TPRX1: variants seen among roughly 807,000 people sequenced by gnomAD.
TPRX1 encodes the protein tetrapeptide repeat homeobox 1.
Under a neutral mutation model 8.1 loss-of-function variants are expected in TPRX1, and 2 were observed. The ratio of observed to expected loss-of-function variants is 0.25; its 90% CI spans 0.10 to 0.78. The LOEUF (loss-of-function observed/expected upper bound fraction) is 0.78. Among genes scored for constraint, TPRX1 ranks in the 30% least tolerant of loss-of-function variants. The probability of loss-of-function intolerance (pLI) is 0.70; values close to 1 mark genes in which losing one functional copy is unlikely to be tolerated. For missense variants in TPRX1, 517 were observed against 586.9 expected, an observed-to-expected ratio of 0.88 and a Z score of 1.23; for synonymous variants, 257 against 254.1, an observed-to-expected ratio of 1.01 and a Z score of -0.11.
chr19:47,808,571 C>G (rs964695572), intron 2 of TPRX1, among the ~76,000 whole-genome samples: 1 of 148,848 alleles, frequency 6.7e-6, no homozygotes, highest in African/African-American at 2.4e-5. Context: ...GTAGCTGGGA[C>G]TACAGGCGCC....
intron 2 of TPRX1, among the ~76,000 whole-genome samples, chr19:47,806,960 A>C (rs918862306): frequency 6.6e-6 from 1 of 151,804 alleles, no homozygotes; most frequent in African/African-American, 2.4e-5. Flanking sequence ...GGAGTGCAGT[A>C]GTGGTGTGAT....
intron 3 of TPRX1, 75 bp from the exon 3 acceptor site, chr19:47,803,055 GC>G: frequency 2.1e-6 from 3 of 1,458,592 alleles, no homozygotes; most frequent in Non-Finnish European, 2.7e-6. Context: ...TGGGGTCGGG[GC>G]CAGCCTGAAG....
At chr19:47,810,870 G>T (rs944807621) in intron 2 of TPRX1, among the ~76,000 whole-genome samples, 2 of 151,756 alleles carry the variant, frequency 1.3e-5, no homozygotes, top group Non-Finnish European at 2.9e-5. Context: ...AGATCAGAGT[G>T]GGGGTGACAA....
intron 2 of TPRX1, among the ~76,000 whole-genome samples, chr19:47,804,124 C>T (rs1967711792): frequency 6.6e-6 from 1 of 150,742 alleles, no homozygotes. Context: ...GATGTGATCA[C>T]GGCTCAAGTC....
At chr19:47,809,262 A>G (rs1967761400) in intron 2 of TPRX1, among the ~76,000 whole-genome samples, 1 of 152,064 alleles carries the variant, frequency 6.6e-6, no homozygotes, top group Non-Finnish European at 1.5e-5. Flanking sequence ...ACATATACAT[A>G]TTCTTTTTTC....
chr19:47,811,732 C>T (rs1317938542), intron 2 of TPRX1, among the ~76,000 whole-genome samples: 2 of 151,240 alleles, frequency 1.3e-5, no homozygotes, highest in Non-Finnish European at 1.5e-5. Context: ...CTTCTGACCT[C>T]GTGATCCGCC....
chr19:47,810,950 C>T (rs1357324152), intron 2 of TPRX1, among the ~76,000 whole-genome samples: 2 of 148,732 alleles, frequency 1.3e-5, no homozygotes, highest in South Asian at 2.2e-4. Context: ...GGGTTCCTCT[C>T]GGTGTCTGGA....
chr19:47,809,662 A>C (rs1029107128), intron 2 of TPRX1, among the ~76,000 whole-genome samples: 2 of 152,148 alleles, frequency 1.3e-5, no homozygotes, highest in African/African-American at 4.8e-5. Context: ...TATTTTCTCT[A>C]TTTCCTGCTG....
intron 2 of TPRX1, among the ~76,000 whole-genome samples, chr19:47,808,216 G>A (rs1967751885): frequency 6.6e-6 from 1 of 152,114 alleles, no homozygotes; most frequent in Admixed American, 6.6e-5. Flanking sequence ...CCAGGTTCAA[G>A]CAATTCTCCT....
chr19:47,802,345 C>CGGGCCTGGGTTT, exon 4 of TPRX1: 2 of 1,114,062 alleles, frequency 1.8e-6, no homozygotes, highest in South Asian at 3.0e-5. Flanking sequence ...GGCCTGGGAT[C>CGGGCCTGGGTTT]GGGCCTGGGT....
exon 4 of TPRX1, chr19:47,802,768 C>A: frequency 6.2e-7 from 1 of 1,606,150 alleles, no homozygotes; most frequent in South Asian, 1.1e-5. Flanking sequence ...GGGCTCTGCA[C>A]CCAGGGCCAC....
At chr19:47,803,408 G>A (rs1173166445) in intron 3 of TPRX1, 96 bp downstream of exon 2, 4 of 668,900 alleles carry the variant, frequency 6.0e-6, no homozygotes, top group East Asian at 2.7e-5. Context: ...GTGGCAGGGC[G>A]GGAGGTGGTC....
intron 2 of TPRX1, among the ~76,000 whole-genome samples, chr19:47,817,501 C>T (rs1020603461): frequency 6.6e-6 from 1 of 152,168 alleles, no homozygotes; most frequent in African/African-American, 2.4e-5. Flanking sequence ...CTCAGAGGTC[C>T]CTTTCTCAGA....
intron 2 of TPRX1, among the ~76,000 whole-genome samples, chr19:47,818,027 C>T (rs1221164853): frequency 6.6e-6 from 1 of 152,216 alleles, no homozygotes; most frequent in East Asian, 1.9e-4. Flanking sequence ...AATGAATTAA[C>T]TCAGGAACAA....
chr19:47,815,162 A>ATATT (rs1360730858), intron 2 of TPRX1, among the ~76,000 whole-genome samples: 1 of 74,710 alleles, frequency 1.3e-5, no homozygotes, highest in Admixed American at 1.6e-4. Flanking sequence ...ATATATATAT[A>ATATT]TTTTTTTTTT....
intron 1 of TPRX1, chr19:47,818,652 C>T (rs1034262017): frequency 7.0e-6 from 3 of 426,762 alleles, no homozygotes; most frequent in African/African-American, 2.0e-5. Flanking sequence ...CCCCATCCTG[C>T]AGTAGAGCCT....
rs1388290487 is a variant in TPRX1, at chr19:47,804,505, C to G, written c.152-832G>C. Among the ~76,000 whole-genome samples the G allele has an allele frequency of 6.6e-6, 1 of 152,208 alleles. No individual in the cohort carries two copies. The highest frequency in any genetic ancestry group is 2.1e-4 in the South Asian group (1 of 4,828). On this transcript the variant is annotated intron_variant, in intron 2 of 3. Transcript: ENST00000535759. Reference sequence around the variant, plus strand: ...CAGCCCAGACCCCTCACACCTCTGTCCCCGCTCACCTTGGAGATGACCAGG... The same window carrying G: ...CAGCCCAGACCCCTCACACCTCTGTGCCCGCTCACCTTGGAGATGACCAGG...
intron 2 of TPRX1, among the ~76,000 whole-genome samples, chr19:47,813,370 C>G (rs1967802545): frequency 6.6e-6 from 1 of 151,852 alleles, no homozygotes; most frequent in Non-Finnish European, 1.5e-5. Flanking sequence ...GCCCACGACC[C>G]CCCCAAAACA....
chr19:47,818,340 T>TCCATCATC lies in TPRX1; in HGVS notation c.151+127_151+128insGATGATGG, dbSNP rs1555800344. On this transcript the variant is annotated intron_variant, in intron 2 of 3. Coordinates refer to ENST00000535759, the Ensembl canonical transcript of TPRX1. ...ATCCATCCATCCATCCATCCATCCA[T>TCCATCATC]CATCCATCCATCCATCCATCCATCC... The TCCATCATC allele has an allele frequency of 8.4e-4, 191 of 228,326 alleles. 1 individual carries two copies. Among genetic ancestry groups the TCCATCATC allele is most frequent in the Middle Eastern group, 2.1e-3 (2 of 948 alleles). The allele number at this position is 228,326 out of a possible 1,614,324, so 14.1% of individuals were successfully genotyped here.
Sources: allele counts gnomAD v4.1 joint callset (sites outside exome capture counted in the v4.1 genomes callset), GRCh38; gene constraint gnomAD v4.1.1; transcripts MANE v1.5; gene names NCBI Gene and HGNC (gene_info 2026-07-23, HGNC 2026-07-21).